The following CDK8 variants were observed in gnomAD, a reference collection of about 807,000 sequenced individuals.
The protein encoded by CDK8 is cyclin-dependent kinase 8.
A neutral mutation model predicts 71.5 loss-of-function variants in CDK8; 29 were observed. That is an observed-to-expected ratio of 0.41 (90% confidence interval 0.30 to 0.55). The LOEUF is 0.55. Among genes scored for constraint, CDK8 ranks in the 20% least tolerant of loss-of-function variants. CDK8 has a pLI of 0.37. For synonymous variants in CDK8, 161 were observed against 192.1 expected (o/e 0.84, Z 1.34); for missense variants, 288 against 572.6 (o/e 0.50, Z 5.07).
At chr13:26,306,413 A>G (rs1874042065) in intron 1 of CDK8, among the ~76,000 whole-genome samples, 1 of 152,176 alleles carries the variant, frequency 6.6e-6, no homozygotes, top group African/African-American at 2.4e-5. Context: ...CTTGTAGCAT[A>G]TAGATTAATT....
At chr13:26,332,212 G>T (rs1466035688) in intron 1 of CDK8, among the ~76,000 whole-genome samples, 7 of 151,962 alleles carry the variant, frequency 4.6e-5, no homozygotes, top group African/African-American at 1.7e-4. Context: ...TTTTGGTGGA[G>T]TCTTTAGGTT....
At chr13:26,387,925 C>G (rs1297761456) in intron 6 of CDK8, among the ~76,000 whole-genome samples, 1 of 152,170 alleles carries the variant, frequency 6.6e-6, no homozygotes, top group African/African-American at 2.4e-5. Flanking sequence ...ACAGGTGTAC[C>G]TCACCTCACT....
chr13:26,382,080 A>G (rs1029470428), intron 4 of CDK8, among the ~76,000 whole-genome samples: 1 of 152,114 alleles, frequency 6.6e-6, no homozygotes, highest in African/African-American at 2.4e-5. Flanking sequence ...CTCTCCCCTC[A>G]TCCCCTCCTT....
chr13:26,338,218 T>A (rs921371513), intron 2 of CDK8, among the ~76,000 whole-genome samples: 6 of 152,116 alleles, frequency 3.9e-5, no homozygotes, highest in African/African-American at 1.4e-4. Flanking sequence ...TTTTCTTCAG[T>A]TTTTACTGTT....
intron 1 of CDK8, among the ~76,000 whole-genome samples, chr13:26,300,187 C>G (rs1421255843): frequency 1.3e-5 from 2 of 152,278 alleles, no homozygotes; most frequent in African/African-American, 4.8e-5. Flanking sequence ...GCGGTAGTCC[C>G]TCTCTGTCCC....
chr13:26,316,693 G>A (rs547386383), intron 1 of CDK8, among the ~76,000 whole-genome samples: 29 of 152,018 alleles, frequency 1.9e-4, no homozygotes, highest in Non-Finnish European at 4.1e-4. Flanking sequence ...ACGCAATAAC[G>A]AAAAGTAGCA....
rs9581630 is a variant in CDK8, at chr13:26,300,974, T to C, written c.129-36593T>C. Among the ~76,000 whole-genome samples the C allele has an allele frequency of 6.8e-3, 1,029 of 152,298 alleles. 8 individuals carry two copies. The highest frequency in any genetic ancestry group is 0.024 in the Middle Eastern group (7 of 294). On this transcript the variant is annotated intron_variant, in intron 1 of 12. Transcript: ENST00000381527. ...AGCCCTGGGATCCTGAACAAAGCTG[T>C]ATCCTTTCCATTGTGGTGATTTTGT... is the stretch of plus-strand genomic sequence containing the variant.
At chr13:26,264,094 T>A (rs2137858767) in intron 1 of CDK8, among the ~76,000 whole-genome samples, 1 of 152,346 alleles carries the variant, frequency 6.6e-6, no homozygotes, top group East Asian at 1.9e-4. Flanking sequence ...ATTATGTGAC[T>A]TTCTTTGCAA....
At chr13:26,320,125 T>G (rs1244279400) in intron 1 of CDK8, among the ~76,000 whole-genome samples, 1 of 151,928 alleles carries the variant, frequency 6.6e-6, no homozygotes, top group Non-Finnish European at 1.5e-5. Flanking sequence ...TCTAGCCAGA[T>G]GTAGTGGCTC....
intron 4 of CDK8, among the ~76,000 whole-genome samples, chr13:26,373,719 T>C (rs547609250): frequency 6.6e-6 from 1 of 152,228 alleles, no homozygotes; most frequent in African/African-American, 2.4e-5. Context: ...TAAAATACAG[T>C]GTAAATATAT....
rs567564539 is a variant in CDK8, at chr13:26,272,299, CTT to C, written c.128+17539_128+17540del. 6.0e-3 allele frequency among the ~76,000 whole-genome samples: 893 copies of C among 148,478 alleles called. 8 individuals are homozygous for C. The highest frequency in any genetic ancestry group is 0.017 in the Middle Eastern group (5 of 292). ...CTTGAGGCAGGAGTTCAAGACCAAA[CTT>C]TTTTTTTTAAAGAAAAAGAAAAAAA... On this transcript the variant is annotated intron_variant, in intron 1 of 12. Transcript: ENST00000381527.
chr13:26,396,052 A>C lies in CDK8; in HGVS notation c.791-233A>C, dbSNP rs146425627. Among the ~76,000 whole-genome samples, 133 of 152,288 alleles carry C rather than the reference A, an allele frequency of 8.7e-4. 1 individual carries two copies. Among genetic ancestry groups the C allele is most frequent in the African/African-American group, 3.1e-3 (129 of 41,568 alleles). On this transcript the variant is annotated intron_variant, in intron 7 of 12. Coordinates refer to ENST00000381527, the MANE Select transcript of CDK8 (RefSeq NM_001260.3). ...AGGCAGCTTATAGTAAAACATACAG[A>C]AAGTTTGCAGTTTAAAATTTAAAAT...
chr13:26,264,190 G>A (rs1871919467), intron 1 of CDK8, among the ~76,000 whole-genome samples: 1 of 152,128 alleles, frequency 6.6e-6, no homozygotes, highest in African/African-American at 2.4e-5. Context: ...CTGACTTAAT[G>A]TTGATTTTTT....
chr13:26,278,628 G>T (rs1036770678), intron 1 of CDK8, among the ~76,000 whole-genome samples: 8 of 152,154 alleles, frequency 5.3e-5, no homozygotes, highest in African/African-American at 1.9e-4. Flanking sequence ...AATTATTTAG[G>T]CCTTGAATTC....
intron 4 of CDK8, among the ~76,000 whole-genome samples, chr13:26,372,712 T>C (rs1874747432): frequency 6.6e-6 from 1 of 152,164 alleles, no homozygotes; most frequent in Admixed American, 6.5e-5. Context: ...TGAGCCAGTA[T>C]GAACTGCTAA....
intron 1 of CDK8, among the ~76,000 whole-genome samples, chr13:26,303,241 A>G (rs78023404): frequency 6.6e-6 from 1 of 150,872 alleles, no homozygotes; most frequent in East Asian, 2.0e-4. Flanking sequence ...CATTTTTTCC[A>G]CATTTTTTTC....
chr13:26,310,487 G>C (rs1490401716), intron 1 of CDK8, among the ~76,000 whole-genome samples: 5 of 152,048 alleles, frequency 3.3e-5, no homozygotes, highest in Non-Finnish European at 5.9e-5. Flanking sequence ...GGTTCCATCT[G>C]GGAGTGATGG....
chr13:26,396,759 G>GT, intron 8 of CDK8, among the ~76,000 whole-genome samples: 1 of 152,202 alleles, frequency 6.6e-6, no homozygotes, highest in Middle Eastern at 3.4e-3. Flanking sequence ...TATTTCACCT[G>GT]TTTACAATGC....
intron 1 of CDK8, among the ~76,000 whole-genome samples, chr13:26,284,528 G>T (rs1157520199): frequency 6.6e-6 from 1 of 152,020 alleles, no homozygotes; most frequent in East Asian, 1.9e-4. Context: ...TCTAGAGATG[G>T]ATAAATTCCT....
Sources: gnomAD v4.1 joint callset for allele counts (sites outside exome capture counted in the v4.1 genomes callset) on GRCh38, gnomAD v4.1.1 for gene constraint, MANE v1.5 for transcripts, NCBI Gene and HGNC (gene_info 2026-07-23, HGNC 2026-07-21) for gene names.